SDK1: variants seen among roughly 807,000 people sequenced by gnomAD.
SDK1 encodes the protein protein sidekick-1.
SDK1 carries 157 observed loss-of-function variants against 245.5 expected under a neutral mutation model. The observed-to-expected ratio is 0.64, with a 90% CI of 0.56 to 0.73. The LOEUF (loss-of-function observed/expected upper bound fraction) is 0.73. SDK1 is among the 30% of genes least tolerant of loss of function. SDK1 has a pLI of 0.00. For synonymous variants in SDK1, 1,647 were observed against 1,278.5 expected (o/e 1.29, Z -6.15); for missense variants, 3,583 against 3,002.3 (o/e 1.19, Z -4.52).
At position 4,267,600 on chromosome 7, in the gene SDK1, A is replaced by G. The variant is rs1788549145; in HGVS notation, c.*2216A>G. 1.0e-6 allele frequency: 1 copy of G among 985,384 alleles called. No homozygotes were observed. Among genetic ancestry groups the G allele is most frequent in the African/African-American group, 1.7e-5 (1 of 57,324 alleles). 61.0% of individuals were successfully genotyped at this position (985,384 alleles called of 1,614,324 possible). A position where few individuals can be genotyped will look rare whatever the true frequency, so the allele number is the denominator to read the frequency against. ...CCATGGCCAGCGCTGCTTTCTGTGC[A>G]CTCTGATGACTGCTCTCTGCAGCCA... On this transcript the variant is annotated 3_prime_UTR_variant, in exon 45 of 45. Coordinates refer to ENST00000404826, the MANE Select transcript of SDK1 (RefSeq NM_152744.4).
chr7:4,233,123 C>T (rs930390431), intron 40 of SDK1, 132 bp from the exon 41 acceptor site: 1 of 755,720 alleles, frequency 1.3e-6, no homozygotes, highest in Admixed American at 2.5e-5. Context: ...ATTCAGCACT[C>T]ACTCCGCATC....
chr7:3,736,602 C>T (rs1243601033), intron 4 of SDK1, among the ~76,000 whole-genome samples: 2 of 152,154 alleles, frequency 1.3e-5, no homozygotes, highest in Non-Finnish European at 2.9e-5. Flanking sequence ...CTGCTATCCC[C>T]AGTTTAATTC....
At chr7:4,248,418 T>C (rs545608680) in intron 44 of SDK1, among the ~76,000 whole-genome samples, 1 of 151,444 alleles carries the variant, frequency 6.6e-6, no homozygotes, top group South Asian at 2.1e-4. Flanking sequence ...CATACACACA[T>C]GCACACACGT....
At chr7:3,633,537 A>T (rs1321893054) in intron 2 of SDK1, among the ~76,000 whole-genome samples, 1 of 152,190 alleles carries the variant, frequency 6.6e-6, no homozygotes, top group African/African-American at 2.4e-5. Flanking sequence ...GTCCCAGTTT[A>T]AGGGGATTCT....
At chr7:4,114,350 C>G (rs1783555961) in intron 25 of SDK1, 76 bp downstream of exon 25, 5 of 1,191,680 alleles carry the variant, frequency 4.2e-6, no homozygotes, top group Non-Finnish European at 5.9e-6. Flanking sequence ...CTCCAGATCC[C>G]AGGCTAGTGG....
chr7:4,222,553 C>G (rs935713474), intron 40 of SDK1, among the ~76,000 whole-genome samples: 17 of 152,308 alleles, frequency 1.1e-4, no homozygotes, highest in Non-Finnish European at 1.9e-4. Context: ...CCTCGGCCTC[C>G]CAAAGTGACA....
At chr7:3,590,176 C>T (rs1037865083) in intron 1 of SDK1, among the ~76,000 whole-genome samples, 2 of 152,124 alleles carry the variant, frequency 1.3e-5, no homozygotes, top group African/African-American at 2.4e-5. Context: ...GCTCCCAAAC[C>T]TTTGGGTTCA....
At chr7:3,664,916 A>C (rs1783480586) in intron 4 of SDK1, among the ~76,000 whole-genome samples, 1 of 152,140 alleles carries the variant, frequency 6.6e-6, no homozygotes. Flanking sequence ...AATGGCAATG[A>C]TTTTGGAGGA....
chr7:3,350,806 T>C (rs1780639546), intron 1 of SDK1, among the ~76,000 whole-genome samples: 1 of 152,220 alleles, frequency 6.6e-6, no homozygotes, highest in Admixed American at 6.5e-5. Context: ...TATGATAGTT[T>C]GTGTGACACT....
intron 1 of SDK1, among the ~76,000 whole-genome samples, chr7:3,400,183 G>T (rs1418591954): frequency 1.3e-5 from 2 of 151,686 alleles, no homozygotes; most frequent in African/African-American, 4.8e-5. Flanking sequence ...TTAGCCTACT[G>T]TGAATGGAGC....
At chr7:4,219,280 G>A (rs1785005112) in intron 38 of SDK1, among the ~76,000 whole-genome samples, 1 of 152,204 alleles carries the variant, frequency 6.6e-6, no homozygotes, top group Non-Finnish European at 1.5e-5. Context: ...ACTAGATGGA[G>A]TATCTTCCTA....
At chr7:4,067,106 G>C (rs1779956761) in intron 19 of SDK1, among the ~76,000 whole-genome samples, 1 of 152,182 alleles carries the variant, frequency 6.6e-6, no homozygotes. Context: ...GTCTCGCTGA[G>C]TTATTTTTAT....
At chr7:4,229,092 T>C (rs1013959822) in intron 40 of SDK1, among the ~76,000 whole-genome samples, 3 of 152,260 alleles carry the variant, frequency 2.0e-5, no homozygotes, top group Admixed American at 6.5e-5. Flanking sequence ...CTAATAGTTC[T>C]GTAATGTTAT....
chr7:3,577,066 G>C (rs1356169387), intron 1 of SDK1, among the ~76,000 whole-genome samples: 2 of 151,942 alleles, frequency 1.3e-5, no homozygotes, highest in Non-Finnish European at 2.9e-5. Context: ...ACCTTGCAAA[G>C]AGAGGACAGC....
At chr7:3,590,907 C>CA (rs1780849903) in intron 1 of SDK1, among the ~76,000 whole-genome samples, 2 of 151,830 alleles carry the variant, frequency 1.3e-5, no homozygotes, top group Admixed American at 1.3e-4. Flanking sequence ...CTCAGCTTCC[C>CA]AAGTAGCTGA....
intron 4 of SDK1, among the ~76,000 whole-genome samples, chr7:3,702,590 C>G (rs967612385): frequency 6.6e-6 from 1 of 152,228 alleles, no homozygotes; most frequent in East Asian, 1.9e-4. Flanking sequence ...TTCTCGTACA[C>G]TGACTCCAGC....
chr7:3,684,966 C>G (rs1477027659), intron 4 of SDK1, among the ~76,000 whole-genome samples: 1 of 151,980 alleles, frequency 6.6e-6, no homozygotes, highest in African/African-American at 2.4e-5. Context: ...AGATTGGACA[C>G]AACAACAATG....
At chr7:3,361,193 G>C (rs796693637) in intron 1 of SDK1, among the ~76,000 whole-genome samples, 8 of 152,292 alleles carry the variant, frequency 5.3e-5, no homozygotes, top group African/African-American at 1.9e-4. Flanking sequence ...GCTCATGCCT[G>C]TAAACTCTTC....
At chr7:3,389,130 GT>G (rs1781681816) in intron 1 of SDK1, among the ~76,000 whole-genome samples, 1 of 152,162 alleles carries the variant, frequency 6.6e-6, no homozygotes, top group Admixed American at 6.5e-5. Context: ...ATGTAAAGGA[GT>G]GGGGGGAGAA....
Sources: allele counts gnomAD v4.1 joint callset (sites outside exome capture counted in the v4.1 genomes callset), GRCh38; gene constraint gnomAD v4.1.1; transcripts MANE v1.5; gene names NCBI Gene and HGNC (gene_info 2026-07-23, HGNC 2026-07-21).